MTMR2: variants seen among roughly 807,000 people sequenced by gnomAD.
MTMR2 encodes the protein myotubularin related protein 2, also known as phosphatidylinositol-3,5-bisphosphate 3-phosphatase MTMR2.
In MTMR2, 55 loss-of-function variants were observed where a neutral mutation model predicts 86.9. The observed-to-expected ratio is 0.63, with a 90% CI of 0.51 to 0.79. The LOEUF is 0.79. Ranked by LOEUF, MTMR2 falls within the 30% of genes least tolerant of loss-of-function variation. The pLI, the probability that MTMR2 is intolerant of heterozygous loss-of-function variation, is 0.00. For missense variants in MTMR2, 659 were observed against 772.3 expected (o/e 0.85, Z 1.74); for synonymous variants, 241 against 266.8 (o/e 0.90, Z 0.94).
chr11:95,915,984 A>T (rs1198133399), intron 1 of MTMR2, among the ~76,000 whole-genome samples: 1 of 152,118 alleles, frequency 6.6e-6, no homozygotes, highest in Non-Finnish European at 1.5e-5. Flanking sequence ...ACAAGACACA[A>T]AAAAATAGAA....
In MTMR2 at chr11:95,849,773, T is replaced by A. The variant is rs200898934; in HGVS notation, c.894A>T (p.Glu298Asp). 163 of 1,614,034 alleles carry A rather than the reference T, an allele frequency of 1.0e-4. No individual in the cohort carries two copies. Among genetic ancestry groups the A allele is most frequent in the Non-Finnish European group, 1.3e-4 (150 of 1,179,970 alleles). ...TGATAGCTTGAAGGTATTTTTCATC[T>A]TCTTTGCTTCGCTTTCCACTCACTC... Reference protein sequence around the residue: ...MVGVSGKRSKEDEKYLQAIMD... With the variant: ...MVGVSGKRSKDDEKYLQAIMD... Residue 298 changes from glutamate to aspartate, a missense_variant, in exon 9 of 15, where the codon GAA becomes GAT. Transcript: ENST00000346299.
chr11:95,838,008 C>A (rs368240951), intron 13 of MTMR2, 86 bp downstream of exon 13: 55 of 855,734 alleles, frequency 6.4e-5, no homozygotes, highest in East Asian at 5.2e-4. Context: ...AGAATGACTT[C>A]AGTTGAAATC....
intron 2 of MTMR2, among the ~76,000 whole-genome samples, chr11:95,877,434 A>G (rs1337919509): frequency 1.4e-5 from 2 of 146,098 alleles, no homozygotes; most frequent in Non-Finnish European, 1.5e-5. Context: ...AAAACGTTAC[A>G]TCACCATCCA....
intron 11 of MTMR2, among the ~76,000 whole-genome samples, chr11:95,844,247 G>A (rs1050795289): frequency 6.6e-6 from 1 of 152,066 alleles, no homozygotes; most frequent in African/African-American, 2.4e-5. Context: ...TGTAGAGAAC[G>A]GCAAAATGTG....
intron 2 of MTMR2, among the ~76,000 whole-genome samples, chr11:95,868,273 T>TAAAAAAAAAAAAAAAAAAAA (rs555618890): frequency 7.1e-5 from 3 of 42,216 alleles, no homozygotes; most frequent in Non-Finnish European, 1.2e-4. Context: ...GACCCTGTGC[T>TAAAAAAAAAAAAAAAAAAAA]AAAAAAAAAA....
chr11:95,855,671 T>C (rs996164819), intron 7 of MTMR2, among the ~76,000 whole-genome samples: 2 of 152,216 alleles, frequency 1.3e-5, no homozygotes, highest in African/African-American at 2.4e-5. Flanking sequence ...AGTCATGATA[T>C]CTGTTTTTCA....
intron 10 of MTMR2, 118 bp from the exon 11 acceptor site, chr11:95,845,277 G>T: frequency 1.1e-6 from 1 of 939,878 alleles, no homozygotes; most frequent in Admixed American, 2.1e-5. Flanking sequence ...AAAAACATTT[G>T]TCCCTTCCTA....
rs186569484 is a variant in MTMR2, at chr11:95,836,082, G to A, written c.1770+66C>T. The stretch of plus-strand genomic sequence containing the variant: ...ATATGCACAGATAATCTTTCCAGCT[G>A]CTTTTAAGGAGACAAAGTTGCACTG... On this transcript the variant is annotated intron_variant, in intron 14 of 14. Transcript: ENST00000346299. The A allele has an allele frequency of 3.3e-4, 475 of 1,435,054 alleles. 3 individuals are homozygous for A. In the African/African-American group the frequency reaches 5.4e-3, roughly 16 times the overall value. 88.9% of individuals were successfully genotyped at this position (1,435,054 alleles called of 1,614,324 possible).
intron 1 of MTMR2, among the ~76,000 whole-genome samples, chr11:95,899,580 T>G (rs866587665): frequency 1.3e-5 from 2 of 151,536 alleles, no homozygotes; most frequent in Admixed American, 1.3e-4. Flanking sequence ...ATGGGAGAGA[T>G]AGACTCCTTT....
Position 95,834,127 on chromosome 11 carries a change from A to C in MTMR2, c.*1163T>G, listed in dbSNP as rs1250501825. 1 of 152,554 alleles carries C rather than the reference A, an allele frequency of 6.6e-6. No homozygotes were observed. The highest frequency in any genetic ancestry group is 1.5e-5 in the Non-Finnish European group (1 of 68,002). The allele number at this position is 152,554 out of a possible 1,614,324, so 9.5% of individuals were successfully genotyped here. A position where few individuals can be genotyped will look rare whatever the true frequency, so the allele number is the denominator to read the frequency against. ...AGTTGGAATTTCTTTTAATTAAAAG[A>C]CCAAGGGGACAAGAAGCTCCTTTGT... On this transcript the variant is annotated 3_prime_UTR_variant, in exon 15 of 15. Coordinates refer to ENST00000346299, the MANE Select transcript of MTMR2 (RefSeq NM_016156.6).
intron 1 of MTMR2, among the ~76,000 whole-genome samples, chr11:95,911,516 C>G (rs955284370): frequency 2.6e-5 from 4 of 152,094 alleles, no homozygotes; most frequent in African/African-American, 9.7e-5. Flanking sequence ...ACCTTGAGTT[C>G]CAGCACCAAT....
At chr11:95,840,063 C>CG (rs1863475719) in intron 12 of MTMR2, 1 of 152,116 alleles carries the variant, frequency 6.6e-6, no homozygotes, top group Non-Finnish European at 1.5e-5. Flanking sequence ...TAACAAGGCC[C>CG]GACCCTGCTT....
rs750344055 is a variant in MTMR2 at position 95,865,631 on chromosome 11, A to T, written c.232T>A (p.Leu78Met). Residue 78 changes from leucine to methionine, a missense_variant, in exon 3 of 15, where the codon TTG becomes ATG. Leu to Met is a conservative substitution (Grantham distance 15). This residue lies in a region of MTMR2 where 387 missense variants were observed against 526.3 expected (regional missense o/e 0.74). Coordinates refer to ENST00000346299, the MANE Select transcript of MTMR2 (RefSeq NM_016156.6). Reference sequence around the variant, plus strand: ...TCTTTAATATTTTCTCCTGGAAGCAAGGGTGGTTCTTCCATTTCTGCTAAC... The same window carrying T: ...TCTTTAATATTTTCTCCTGGAAGCATGGGTGGTTCTTCCATTTCTGCTAAC... Reference protein sequence around the residue: ...NKLAEMEEPPLLPGENIKDMA... With the variant: ...NKLAEMEEPPMLPGENIKDMA... The T allele has an allele frequency of 2.4e-5, 39 of 1,613,832 alleles. No homozygotes were observed. Among genetic ancestry groups the T allele is most frequent in the Non-Finnish European group, 3.3e-5 (39 of 1,179,820 alleles).
In MTMR2 at chr11:95,847,854, C is replaced by G. The variant is rs752229074; in HGVS notation, c.1039G>C (p.Glu347Gln). The G allele has an allele frequency of 7.4e-6, 12 of 1,613,680 alleles. No individual in the cohort carries two copies. The highest frequency in any genetic ancestry group is 4.0e-5 in the African/African-American group (3 of 74,908). The change falls in exon 10 of 15, where the codon GAA becomes CAA. Residue 347 changes from glutamate (E) to glutamine (Q), a missense_variant. Physicochemically the swap from Glu to Gln is conservative, Grantham distance 29. Transcript: ENST00000346299. ...YESEDAYQNA[E>Q]LVFLDIHNIH... ...TTGTGGATATCCAGGAAAACTAGTT[C>G]AGCATTTTGATAGGCATCTTCACTT...
intron 10 of MTMR2, among the ~76,000 whole-genome samples, chr11:95,847,505 AAAG>A (rs1389010581): frequency 1.3e-5 from 2 of 152,168 alleles, no homozygotes; most frequent in Admixed American, 6.5e-5. Context: ...AGGGGGAACA[AAAG>A]AAATACAACA....
At chr11:95,878,427 A>T (rs992562345) in intron 2 of MTMR2, among the ~76,000 whole-genome samples, 13 of 152,020 alleles carry the variant, frequency 8.6e-5, no homozygotes, top group African/African-American at 3.1e-4. Flanking sequence ...ATGAACCCTA[A>T]TGCAAACTAT....
intron 2 of MTMR2, among the ~76,000 whole-genome samples, chr11:95,877,332 C>CTTTTTTT (rs764782930): frequency 2.8e-5 from 3 of 106,298 alleles, no homozygotes; most frequent in Non-Finnish European, 5.6e-5. Flanking sequence ...CAGGGAAGCC[C>CTTTTTTT]TTTTTTTTTT....
chr11:95,922,146 G>C (rs952190590), intron 1 of MTMR2, among the ~76,000 whole-genome samples: 1 of 152,126 alleles, frequency 6.6e-6, no homozygotes, highest in Non-Finnish European at 1.5e-5. Flanking sequence ...TCTAGATCAA[G>C]CTTCTTATTT....
In MTMR2 at chr11:95,835,086, TA is replaced by T; in HGVS notation, c.*203del. ...TTGGATACTTAAAAGATTAGTATCA[TA>T]ATCATGTAATTACATATGGAGTTAC... On this transcript the variant is annotated 3_prime_UTR_variant, in exon 15 of 15. Coordinates refer to ENST00000346299, the MANE Select transcript of MTMR2 (RefSeq NM_016156.6). 1 of 581,612 alleles carries T rather than the reference TA, an allele frequency of 1.7e-6. No homozygotes were observed. The highest frequency in any genetic ancestry group is 3.1e-6 in the Non-Finnish European group (1 of 326,260). The allele number at this position is 581,612 out of a possible 1,614,324, so 36.0% of individuals were successfully genotyped here. A position where few individuals can be genotyped will look rare whatever the true frequency, so the allele number is the denominator to read the frequency against.
Sources: gnomAD v4.1 joint callset for allele counts (sites outside exome capture counted in the v4.1 genomes callset) on GRCh38, gnomAD v4.1.1 for gene constraint, gnomAD v4.1.1 regional missense constraint, MANE v1.5 for transcripts, NCBI Gene and HGNC (gene_info 2026-07-23, HGNC 2026-07-21) for gene names.